DYNAP: variants seen among roughly 807,000 people sequenced by gnomAD.
DYNAP encodes the protein dynactin-associated protein.
DYNAP carries 7 observed loss-of-function variants against 8.5 expected under a neutral mutation model. The ratio of observed to expected loss-of-function variants is 0.82; its 90% CI spans 0.47 to 1.54. The LOEUF is 1.54. Among genes scored for constraint, DYNAP ranks in the 40% most tolerant of loss-of-function variants. The probability of loss-of-function intolerance (pLI) is 0.01; values close to 1 mark genes in which losing one functional copy is unlikely to be tolerated. For synonymous variants in DYNAP, 77 were observed against 77.9 expected (o/e 0.99, Z 0.06); for missense variants, 256 against 224.3 (o/e 1.14, Z -0.90).
upstream of DYNAP, chr18:54,591,112 T>C (rs1322005240): frequency 1.5e-6 from 2 of 1,295,822 alleles, no homozygotes; most frequent in Non-Finnish European, 2.1e-6. Flanking sequence ...TCCTCTAAGG[T>C]GGATCCTGTT....
At chr18:54,589,299 G>A (rs974750250), upstream of DYNAP, among the ~76,000 whole-genome samples, 1 of 151,978 alleles carries the variant, frequency 6.6e-6, no homozygotes, top group African/African-American at 2.4e-5. Flanking sequence ...TTTCTTTTTG[G>A]TTATAAATCC....
chr18:54,592,212 C>CT, intron 1 of DYNAP, among the ~76,000 whole-genome samples: 1 of 148,914 alleles, frequency 6.7e-6, no homozygotes, highest in Non-Finnish European at 1.5e-5. Context: ...GTCTGGAAGT[C>CT]TGCTTGGTCA....
the DYNAP span, among the ~76,000 whole-genome samples, chr18:54,581,475 G>C: frequency 1.3e-5 from 2 of 152,310 alleles, no homozygotes; most frequent in African/African-American, 4.8e-5. Flanking sequence ...CGGCAGGAAT[G>C]TATGTTTATA....
chr18:54,584,580 A>C (rs1910814977), upstream of DYNAP, among the ~76,000 whole-genome samples: 2 of 152,184 alleles, frequency 1.3e-5, no homozygotes, highest in Admixed American at 6.5e-5. Context: ...TAAACCATGT[A>C]AACTATACTA....
At chr18:54,594,293 T>TC (rs758674724) in intron 1 of DYNAP, among the ~76,000 whole-genome samples, 1 of 152,152 alleles carries the variant, frequency 6.6e-6, no homozygotes, top group Non-Finnish European at 1.5e-5. Context: ...GTCTTCTGTG[T>TC]CACTGCCATA....
At chr18:54,594,833 T>A (rs1911217597) in intron 1 of DYNAP, 106 bp from the exon 2 acceptor site, 2 of 1,261,650 alleles carry the variant, frequency 1.6e-6, no homozygotes, top group Non-Finnish European at 2.2e-6. Context: ...CATTTATTCC[T>A]TTTAAAAGTC....
chr18:54,578,870 G>T, the DYNAP span, among the ~76,000 whole-genome samples: 3 of 152,042 alleles, frequency 2.0e-5, no homozygotes, highest in African/African-American at 7.2e-5. Flanking sequence ...CACAATCTTG[G>T]CTCACTGCAA....
upstream of DYNAP, among the ~76,000 whole-genome samples, chr18:54,590,060 T>G (rs1911010354): frequency 6.6e-6 from 1 of 152,040 alleles, no homozygotes; most frequent in Non-Finnish European, 1.5e-5. Flanking sequence ...CAGTTAAGAG[T>G]ATTAAATACA....
rs1568242024 is a variant in DYNAP, at chr18:54,595,050, C to T, written c.169C>T (p.Pro57Ser). 2 of 1,612,538 alleles carry T rather than the reference C, an allele frequency of 1.2e-6. No homozygotes were observed. The highest frequency in any genetic ancestry group is 2.2e-5 in the South Asian group (2 of 90,996). Residue 57 changes from proline to serine, a missense_variant, in exon 2 of 3, where the codon CCA (proline) becomes TCA (serine). Physicochemically the swap from Pro to Ser is moderately conservative, Grantham distance 74. Transcript: ENST00000648945. ...CAACTTAACTGGGGTCTGCGTGAAC[C>T]CAGGAATCCTTGCACATTCAAGATG... ...SPNLTGVCVN[P>S]GILAHSRCLQ...
At chr18:54,597,769 G>C in intron 2 of DYNAP, 44 bp from the exon 3 acceptor site, 5 of 1,543,592 alleles carry the variant, frequency 3.2e-6, no homozygotes, top group Non-Finnish European at 3.5e-6. Context: ...TAAATTACAA[G>C]CATTTTTGTT....
the DYNAP span, among the ~76,000 whole-genome samples, chr18:54,576,413 A>G: frequency 6.6e-6 from 1 of 152,174 alleles, no homozygotes; most frequent in Admixed American, 6.6e-5. Context: ...GGTAATGTCA[A>G]TCTTTTAATT....
chr18:54,587,583 A>G (rs546980531), upstream of DYNAP, among the ~76,000 whole-genome samples: 11 of 152,214 alleles, frequency 7.2e-5, no homozygotes, highest in Non-Finnish European at 1.5e-4. Flanking sequence ...TGCTAAGATT[A>G]TTAAAGACCC....
At chr18:54,581,860 CT>C in the DYNAP span, among the ~76,000 whole-genome samples, 1 of 152,160 alleles carries the variant, frequency 6.6e-6, no homozygotes, top group African/African-American at 2.4e-5. Flanking sequence ...AGTTCTTCCA[CT>C]TAGCTCCACA....
upstream of DYNAP, among the ~76,000 whole-genome samples, chr18:54,587,178 T>A (rs569640319): frequency 2.6e-5 from 4 of 152,328 alleles, no homozygotes; most frequent in African/African-American, 7.2e-5. Context: ...GAGAGTCAGT[T>A]TACTATTTCA....
At chr18:54,588,441 G>A (rs1910957109), upstream of DYNAP, among the ~76,000 whole-genome samples, 1 of 152,076 alleles carries the variant, frequency 6.6e-6, no homozygotes, top group South Asian at 2.1e-4. Context: ...CTGACCTCAG[G>A]TGATTTGCCC....
upstream of DYNAP, among the ~76,000 whole-genome samples, chr18:54,590,815 C>G (rs1228010822): frequency 2.6e-5 from 4 of 152,106 alleles, no homozygotes. Flanking sequence ...AGACACCAAC[C>G]CAGGGACTGA....
the DYNAP span, among the ~76,000 whole-genome samples, chr18:54,579,154 T>A: frequency 6.6e-6 from 1 of 152,198 alleles, no homozygotes; most frequent in Non-Finnish European, 1.5e-5. Context: ...AAATGTTGTA[T>A]TACTCTACAG....
the DYNAP span, among the ~76,000 whole-genome samples, chr18:54,576,839 A>ATT: frequency 6.6e-6 from 1 of 151,344 alleles, no homozygotes; most frequent in Non-Finnish European, 1.5e-5. Context: ...CAACAACAAC[A>ATT]CCAAAAAAAC....
chr18:54,577,617 A>AC, the DYNAP span, among the ~76,000 whole-genome samples: 1 of 151,522 alleles, frequency 6.6e-6, no homozygotes, highest in Admixed American at 6.6e-5. Flanking sequence ...AAAAAAAAAA[A>AC]AAAACACAAA....
Sources: allele counts gnomAD v4.1 joint callset (sites outside exome capture counted in the v4.1 genomes callset), GRCh38; gene constraint gnomAD v4.1.1; transcripts MANE v1.5; gene names NCBI Gene and HGNC (gene_info 2026-07-23, HGNC 2026-07-21).